RBFOX1: variants seen among roughly 807,000 people sequenced by gnomAD.
RBFOX1 encodes RNA binding fox-1 homolog 1.
A neutral mutation model predicts 57.7 loss-of-function variants in RBFOX1; 8 were observed. The ratio of observed to expected loss-of-function variants is 0.14; its 90% CI spans 0.08 to 0.25. RBFOX1 has a LOEUF of 0.25. Ranked by LOEUF, RBFOX1 falls within the 10% of genes least tolerant of loss-of-function variation. RBFOX1 has a pLI of 1.00. For synonymous variants in RBFOX1, 326 were observed against 222.4 expected (o/e 1.47, Z -4.15); for missense variants, 611 against 548.5 (o/e 1.11, Z -1.14).
chr16:7,024,554 T>C (rs1050075091), intron 3 of RBFOX1, among the ~76,000 whole-genome samples: 7 of 152,178 alleles, frequency 4.6e-5, no homozygotes, highest in Admixed American at 2.0e-4. Flanking sequence ...TACTTCCTCA[T>C]TGTGTAAACA....
chr16:5,586,000 C>A (rs1301785749), intron 2 of RBFOX1, among the ~76,000 whole-genome samples: 1 of 152,146 alleles, frequency 6.6e-6, no homozygotes, highest in East Asian at 1.9e-4. Flanking sequence ...ATGAGATTAT[C>A]TTCCCCTAAA....
chr16:6,820,396 C>G lies in RBFOX1; in HGVS notation c.-16+165746C>G, dbSNP rs543150471. ...CTGTGATAGGCCCAACACAGTGGCT[C>G]CTATAATCCCAGCATTTTGGGAGGC... On this transcript the variant is annotated intron_variant, in intron 3 of 15. Coordinates refer to ENST00000550418, the MANE Select transcript of RBFOX1 (RefSeq NM_018723.4). Among the ~76,000 whole-genome samples, 4 of 152,232 alleles carry G rather than the reference C, an allele frequency of 2.6e-5. No individual in the cohort carries two copies. The South Asian group carries it at 6.2e-4, about 24-fold the overall frequency.
intron 3 of RBFOX1, among the ~76,000 whole-genome samples, chr16:6,715,289 C>T (rs953965835): frequency 2.0e-5 from 3 of 151,382 alleles, no homozygotes; most frequent in African/African-American, 4.9e-5. Context: ...CTTTTTTTAA[C>T]CCTGTTCTGT....
chr16:7,438,013 C>T lies in RBFOX1; in HGVS notation c.28-80134C>T, dbSNP rs1411999398. The stretch of plus-strand genomic sequence containing the variant: ...TTTAGAAGTCCACGTGGAATAATCC[C>T]TGCATGTCAGTGCGACAGTTGATGT... On this transcript the variant is annotated intron_variant, in intron 4 of 15. Coordinates refer to ENST00000550418, the MANE Select transcript of RBFOX1 (RefSeq NM_018723.4). Among the ~76,000 whole-genome samples, 4 of 152,040 alleles carry T rather than the reference C, an allele frequency of 2.6e-5. No homozygotes were observed. In the South Asian group the frequency reaches 8.3e-4, roughly 32 times the overall value.
chr16:5,434,396 A>G (rs2067851992), intron 1 of RBFOX1, among the ~76,000 whole-genome samples: 1 of 130,524 alleles, frequency 7.7e-6, no homozygotes, highest in Non-Finnish European at 1.5e-5. Context: ...ATCTTGACTC[A>G]CTGCAACCTC....
At chr16:6,849,666 C>G (rs1159641165) in intron 3 of RBFOX1, among the ~76,000 whole-genome samples, 1 of 152,056 alleles carries the variant, frequency 6.6e-6, no homozygotes, top group Non-Finnish European at 1.5e-5. Flanking sequence ...AAGACTCCAT[C>G]TCAAAAAAAC....
intron 2 of RBFOX1, among the ~76,000 whole-genome samples, chr16:5,587,895 A>G (rs2046885409): frequency 6.6e-6 from 1 of 152,196 alleles, no homozygotes; most frequent in South Asian, 2.1e-4. Flanking sequence ...TGTCCTCATG[A>G]TAACGTGTGC....
At chr16:5,567,092 A>G (rs1254806447) in intron 2 of RBFOX1, among the ~76,000 whole-genome samples, 2 of 152,114 alleles carry the variant, frequency 1.3e-5, no homozygotes, top group Admixed American at 6.5e-5. Context: ...TGCCACACAA[A>G]GACCCTCAGA....
At chr16:6,407,991 G>T (rs372448806) in intron 2 of RBFOX1, among the ~76,000 whole-genome samples, 1 of 152,118 alleles carries the variant, frequency 6.6e-6, no homozygotes, top group Non-Finnish European at 1.5e-5. Flanking sequence ...AGACCTCTCA[G>T]TAATGGGGTT....
chr16:5,385,148 C>T (rs1180333146), intron 1 of RBFOX1, among the ~76,000 whole-genome samples: 1 of 152,204 alleles, frequency 6.6e-6, no homozygotes, highest in East Asian at 1.9e-4. Flanking sequence ...AGGGGCCAGG[C>T]ACTATGCTTT....
chr16:6,267,136 T>C (rs775237680), intron 1 of RBFOX1, among the ~76,000 whole-genome samples: 5 of 152,100 alleles, frequency 3.3e-5, no homozygotes, highest in African/African-American at 4.8e-5. Flanking sequence ...TGGAACTGAA[T>C]TGATTATTTA....
intron 2 of RBFOX1, among the ~76,000 whole-genome samples, chr16:6,613,454 C>G (rs764058809): frequency 1.3e-5 from 2 of 152,062 alleles, no homozygotes; most frequent in Non-Finnish European, 2.9e-5. Context: ...CTTAGGCCCC[C>G]TTAAAGTCTT....
chr16:6,381,861 T>C (rs1469748926), intron 2 of RBFOX1, among the ~76,000 whole-genome samples: 2 of 152,232 alleles, frequency 1.3e-5, no homozygotes, highest in African/African-American at 2.4e-5. Flanking sequence ...GGGCTGTTTA[T>C]AGGGCACGGG....
intron 2 of RBFOX1, among the ~76,000 whole-genome samples, chr16:6,521,355 C>G (rs142660301): frequency 4.1e-4 from 62 of 152,034 alleles, no homozygotes; most frequent in Middle Eastern, 3.4e-3. Flanking sequence ...TTGCATTTCT[C>G]CTCCTCATTT....
intron 3 of RBFOX1, among the ~76,000 whole-genome samples, chr16:5,632,844 C>G (rs1402129308): frequency 1.3e-5 from 2 of 151,832 alleles, no homozygotes; most frequent in African/African-American, 2.4e-5. Flanking sequence ...CTGCAGCACA[C>G]AGAATTTCCG....
At chr16:7,565,218 G>C (rs1040287337) in intron 5 of RBFOX1, among the ~76,000 whole-genome samples, 10 of 152,010 alleles carry the variant, frequency 6.6e-5, no homozygotes, top group Admixed American at 4.6e-4. Context: ...TGGAGAATGT[G>C]CAATATTGTC....
At chr16:7,328,591 G>A (rs868148200) in intron 4 of RBFOX1, 1 of 151,108 alleles carries the variant, frequency 6.6e-6, no homozygotes, top group Non-Finnish European at 1.5e-5. Context: ...ACCTAAGAAG[G>A]AAATGTCATC....
At position 6,927,429 on chromosome 16, in the gene RBFOX1, A is replaced by AT. The variant is rs1195266816; in HGVS notation, c.-15-124628_-15-124627insT. On this transcript the variant is annotated intron_variant, in intron 3 of 15. Coordinates refer to ENST00000550418, the MANE Select transcript of RBFOX1 (RefSeq NM_018723.4). Reference sequence around the variant, plus strand: ...CGCTTTCTCACAAAAAAAAAAAAAAAAAAAAAAAAATCCGAACGTCTCGTG... The same window carrying AT: ...CGCTTTCTCACAAAAAAAAAAAAAAATAAAAAAAAAATCCGAACGTCTCGTG... Among the ~76,000 whole-genome samples the AT allele has an allele frequency of 1.7e-4, 25 of 150,518 alleles. No individual in the cohort carries two copies. In the East Asian group the frequency reaches 4.9e-3, roughly 29 times the overall value.
intron 3 of RBFOX1, among the ~76,000 whole-genome samples, chr16:6,742,339 T>C (rs2072426637): frequency 6.6e-6 from 1 of 152,144 alleles, no homozygotes; most frequent in Non-Finnish European, 1.5e-5. Context: ...TATCAAATAT[T>C]TACAAGGACG....
Sources: gnomAD v4.1 joint callset for allele counts (sites outside exome capture counted in the v4.1 genomes callset) on GRCh38, gnomAD v4.1.1 for gene constraint, MANE v1.5 for transcripts, NCBI Gene and HGNC (gene_info 2026-07-23, HGNC 2026-07-21) for gene names.